DNAH5: variants seen among roughly 807,000 people sequenced by gnomAD.
DNAH5 encodes the protein dynein axonemal heavy chain 5.
Under a neutral mutation model 518.2 loss-of-function variants are expected in DNAH5, and 372 were observed. The observed-to-expected ratio is 0.72, with a 90% CI of 0.66 to 0.78. The LOEUF (loss-of-function observed/expected upper bound fraction) is 0.78, where lower values mean the gene tolerates loss of function less well. DNAH5 is among the 30% of genes least tolerant of loss of function. The pLI is 0.00. For synonymous variants in DNAH5, 2,039 were observed against 2,025.9 expected, an observed-to-expected ratio of 1.01 and a Z score of -0.17; for missense variants, 5,523 against 5,687.0, an observed-to-expected ratio of 0.97 and a Z score of 0.93.
chr5:13,716,838 T>C, intron 73 of DNAH5, 148 bp from the exon 74 acceptor site: 1 of 705,300 alleles, frequency 1.4e-6, no homozygotes, highest in Admixed American at 2.1e-5. Context: ...GAAAGAAAAG[T>C]AAAAAGGTAA....
chr5:13,713,444 T>TAC (rs1377869643), intron 75 of DNAH5, among the ~76,000 whole-genome samples: 7 of 125,684 alleles, frequency 5.6e-5, no homozygotes, highest in South Asian at 2.4e-4. Flanking sequence ...CATATATATA[T>TAC]ATATATATAT....
chr5:13,744,134 T>C (rs1749006555), intron 65 of DNAH5, among the ~76,000 whole-genome samples: 1 of 152,004 alleles, frequency 6.6e-6, no homozygotes, highest in Non-Finnish European at 1.5e-5. Flanking sequence ...ACATACACAA[T>C]GGAATACTAT....
rs138448284 is a variant in DNAH5, at chr5:13,716,357, A to G, written c.12909+130T>C. On this transcript the variant is annotated intron_variant, in intron 74 of 78. Coordinates refer to ENST00000265104, the MANE Select transcript of DNAH5 (RefSeq NM_001369.3). ...GTATAAAAATATGAAGAAAGCCTTC[A>G]CAGCAAAAGCATTAGTATATATCAC... The G allele has an allele frequency of 7.4e-5, 52 of 704,392 alleles. No homozygotes were observed. In the African/African-American group the frequency reaches 9.1e-4, roughly 12 times the overall value. 43.6% of individuals were successfully genotyped at this position (704,392 alleles called of 1,614,324 possible).
chr5:13,752,956 G>A (rs949787404), intron 63 of DNAH5, among the ~76,000 whole-genome samples: 1 of 152,190 alleles, frequency 6.6e-6, no homozygotes, highest in Non-Finnish European at 1.5e-5. Context: ...GTGTGATACA[G>A]CTCTGCCGTT....
At chr5:13,978,999 T>C (rs1782479090) in intron 1 of DNAH5, among the ~76,000 whole-genome samples, 1 of 152,070 alleles carries the variant, frequency 6.6e-6, no homozygotes, top group African/African-American at 2.4e-5. Flanking sequence ...CCAGTTCTAC[T>C]CTGAGTAAAA....
intron 65 of DNAH5, among the ~76,000 whole-genome samples, chr5:13,742,262 A>C (rs1748670197): frequency 6.6e-6 from 1 of 152,144 alleles, no homozygotes; most frequent in East Asian, 1.9e-4. Flanking sequence ...AAGCAGAACC[A>C]GGTCTTATCA....
At chr5:13,798,476 A>T (rs986941673) in intron 47 of DNAH5, among the ~76,000 whole-genome samples, 2 of 152,180 alleles carry the variant, frequency 1.3e-5, no homozygotes, top group Admixed American at 6.5e-5. Context: ...CCACTAATGC[A>T]TGATTTTAAA....
intron 69 of DNAH5, among the ~76,000 whole-genome samples, chr5:13,728,195 G>C (rs879668865): frequency 2.0e-5 from 3 of 152,134 alleles, no homozygotes; most frequent in Non-Finnish European, 2.9e-5. Context: ...TCAGACACCT[G>C]CTACCCTTAG....
chr5:13,730,669 C>T (rs537147270), intron 68 of DNAH5, among the ~76,000 whole-genome samples: 2 of 150,190 alleles, frequency 1.3e-5, no homozygotes, highest in South Asian at 2.1e-4. Context: ...CTCCTGACCT[C>T]GTGGTCTGCC....
intron 1 of DNAH5, among the ~76,000 whole-genome samples, chr5:13,952,572 T>C (rs1454326649): frequency 6.6e-6 from 1 of 152,218 alleles, no homozygotes; most frequent in Non-Finnish European, 1.5e-5. Context: ...GGGATCAATA[T>C]GTCTTACCCA....
intron 1 of DNAH5, among the ~76,000 whole-genome samples, chr5:13,992,274 C>G (rs1247555296): frequency 6.6e-6 from 1 of 152,194 alleles, no homozygotes; most frequent in Non-Finnish European, 1.5e-5. Flanking sequence ...GCATCCTAAT[C>G]CCACCAAGGC....
intron 75 of DNAH5, among the ~76,000 whole-genome samples, chr5:13,713,751 G>C (rs1743930175): frequency 6.6e-6 from 1 of 151,828 alleles, no homozygotes; most frequent in Middle Eastern, 3.4e-3. Context: ...ATACTGCTTA[G>C]GTGATGGGTT....
rs541658040 is a variant in DNAH5, at chr5:13,892,353, G to T, written c.2432-1232C>A. Among the ~76,000 whole-genome samples, 61 of 152,240 alleles carry T rather than the reference G, an allele frequency of 4.0e-4. 1 individual carries two copies. The South Asian group carries it at 0.01, about 26-fold the overall frequency. ...TGAATGTTACCTTATATGGCAAAAGGGATTTTGCAGATGTGATCAAGTTAG... is the reference window on the plus strand; with the variant it reads ...TGAATGTTACCTTATATGGCAAAAGTGATTTTGCAGATGTGATCAAGTTAG... On this transcript the variant is annotated intron_variant, in intron 16 of 78. Coordinates refer to ENST00000265104, the MANE Select transcript of DNAH5 (RefSeq NM_001369.3).
intron 9 of DNAH5, 66 bp from the exon 10 acceptor site, chr5:13,914,708 AGGTCCTT>A (rs1776435521): frequency 6.5e-7 from 1 of 1,535,500 alleles, no homozygotes; most frequent in Admixed American, 1.7e-5. Flanking sequence ...CTGGACTAGA[AGGTCCTT>A]AACTCTTCTA....
At chr5:13,875,055 T>G (rs761205414) in intron 22 of DNAH5, among the ~76,000 whole-genome samples, 4 of 152,236 alleles carry the variant, frequency 2.6e-5, no homozygotes, top group Non-Finnish European at 5.9e-5. Flanking sequence ...ACAATTTGGC[T>G]ATCCTATAAA....
chr5:13,718,019 T>A (rs903903311), intron 72 of DNAH5, among the ~76,000 whole-genome samples: 1 of 151,194 alleles, frequency 6.6e-6, no homozygotes, highest in African/African-American at 2.4e-5. Context: ...ATAATTAGAT[T>A]TATTTATTTA....
At chr5:13,769,459 G>T in intron 57 of DNAH5, 42 bp downstream of exon 57, 3 of 1,489,230 alleles carry the variant, frequency 2.0e-6, no homozygotes, top group South Asian at 1.1e-5. Context: ...TGTGAACTGA[G>T]AATTCAAAAG....
At chr5:13,933,841 A>T (rs1333496253) in intron 1 of DNAH5, among the ~76,000 whole-genome samples, 1 of 151,314 alleles carries the variant, frequency 6.6e-6, no homozygotes, top group Non-Finnish European at 1.5e-5. Context: ...GATAGAAAGG[A>T]GACCAAGAAA....
At chr5:13,895,707 C>CA (rs1317773630) in intron 15 of DNAH5, among the ~76,000 whole-genome samples, 12 of 152,090 alleles carry the variant, frequency 7.9e-5, no homozygotes, top group Non-Finnish European at 1.6e-4. Flanking sequence ...TTTACGTCTC[C>CA]AGCCCAGATC....
Sources: gnomAD v4.1 joint callset for allele counts (sites outside exome capture counted in the v4.1 genomes callset) on GRCh38, gnomAD v4.1.1 for gene constraint, MANE v1.5 for transcripts, NCBI Gene and HGNC (gene_info 2026-07-23, HGNC 2026-07-21) for gene names.